Variants in MTUS2 observed in about 807,000 individuals in gnomAD.
MTUS2 encodes the protein microtubule-associated tumor suppressor candidate 2.
In MTUS2, 40 loss-of-function variants were observed where a neutral mutation model predicts 114.1. The observed-to-expected ratio is 0.35, with a 90% confidence interval of 0.27 to 0.46. MTUS2 has a LOEUF of 0.46. Among genes scored for constraint, MTUS2 ranks in the 20% least tolerant of loss-of-function variants. MTUS2 has a pLI of 1.00. For synonymous variants in MTUS2, 688 were observed against 672.0 expected, an observed-to-expected ratio of 1.02 and a Z score of -0.37; for missense variants, 1,679 against 1,705.4, an observed-to-expected ratio of 0.98 and a Z score of 0.27.
chr13:28,886,572 A>G (rs1423532879), intron 2 of MTUS2, among the ~76,000 whole-genome samples: 1 of 151,846 alleles, frequency 6.6e-6, no homozygotes, highest in African/African-American at 2.4e-5. Context: ...TGAGATGGGG[A>G]AGAGTGTGGC....
intron 6 of MTUS2, among the ~76,000 whole-genome samples, chr13:29,319,643 G>A (rs1359923207): frequency 6.6e-6 from 1 of 152,096 alleles, no homozygotes; most frequent in African/African-American, 2.4e-5. Context: ...GCCCCCTCCA[G>A]GCCCTGGTGC....
chr13:29,483,296 TG>T (rs1309019663), intron 10 of MTUS2, among the ~76,000 whole-genome samples: 1 of 152,158 alleles, frequency 6.6e-6, no homozygotes, highest in Non-Finnish European at 1.5e-5. Flanking sequence ...TTACTCAAAT[TG>T]GGACTCGCCG....
At chr13:29,137,003 G>C (rs2138983433) in intron 5 of MTUS2, among the ~76,000 whole-genome samples, 1 of 152,316 alleles carries the variant, frequency 6.6e-6, no homozygotes, top group East Asian at 1.9e-4. Flanking sequence ...GAATTGATTG[G>C]TTGCTGGTAG....
intron 9 of MTUS2, chr13:29,476,778 C>T (rs1880737057): frequency 1.3e-5 from 2 of 152,328 alleles, no homozygotes; most frequent in African/African-American, 4.8e-5. Context: ...TGGAGTCCAT[C>T]GAGTGACAGT....
At chr13:29,129,079 T>A (rs1219901801) in intron 5 of MTUS2, among the ~76,000 whole-genome samples, 1 of 152,220 alleles carries the variant, frequency 6.6e-6, no homozygotes, top group African/African-American at 2.4e-5. Context: ...GGCAAGTGCA[T>A]TTCTGTGGAA....
At chr13:29,200,513 CT>C (rs1894897639) in intron 5 of MTUS2, among the ~76,000 whole-genome samples, 1 of 53,912 alleles carries the variant, frequency 1.9e-5, no homozygotes, top group Admixed American at 2.0e-4. Flanking sequence ...GAGTGAGTTT[CT>C]TTTTCTGTTT....
chr13:29,401,080 CAG>C (rs1331683934), intron 8 of MTUS2, among the ~76,000 whole-genome samples: 1 of 152,184 alleles, frequency 6.6e-6, no homozygotes, highest in African/African-American at 2.4e-5. Context: ...CGCCACCTCT[CAG>C]GGTCAAACAA....
intron 5 of MTUS2, among the ~76,000 whole-genome samples, chr13:29,235,086 G>GTTAA (rs753815010): frequency 5.9e-5 from 9 of 151,904 alleles, no homozygotes; most frequent in South Asian, 4.2e-4. Context: ...ATTTAATTTA[G>GTTAA]TTAATTAATT....
intron 2 of MTUS2, among the ~76,000 whole-genome samples, chr13:28,878,240 T>C (rs1168056410): frequency 1.3e-5 from 2 of 149,506 alleles, no homozygotes; most frequent in Non-Finnish European, 2.9e-5. Flanking sequence ...TGTGTATATA[T>C]ATGTATATAT....
chr13:28,948,056 A>G (rs1260973152), intron 2 of MTUS2, among the ~76,000 whole-genome samples: 1 of 152,224 alleles, frequency 6.6e-6, no homozygotes, highest in African/African-American at 2.4e-5. Flanking sequence ...CAAAGATGAC[A>G]GATCATTTTC....
At chr13:29,087,876 G>A (rs567152437) in intron 4 of MTUS2, among the ~76,000 whole-genome samples, 2 of 152,046 alleles carry the variant, frequency 1.3e-5, no homozygotes, top group Non-Finnish European at 2.9e-5. Context: ...GGCTAACATG[G>A]TGAAACCCTG....
chr13:29,217,091 C>A (rs1895711401), intron 5 of MTUS2, among the ~76,000 whole-genome samples: 1 of 152,172 alleles, frequency 6.6e-6, no homozygotes, highest in South Asian at 2.1e-4. Context: ...TTGAATTTTT[C>A]TGTAGACCTC....
At chr13:29,378,168 T>A (rs1163165664) in intron 8 of MTUS2, among the ~76,000 whole-genome samples, 1 of 152,202 alleles carries the variant, frequency 6.6e-6, no homozygotes, top group Non-Finnish European at 1.5e-5. Flanking sequence ...TTTTGTATTC[T>A]GATTTTGGTG....
chr13:29,242,886 T>C (rs1170597709), intron 5 of MTUS2, among the ~76,000 whole-genome samples: 1 of 152,246 alleles, frequency 6.6e-6, no homozygotes, highest in Non-Finnish European at 1.5e-5. Context: ...CTTTTATAGA[T>C]TAAACTGGTT....
chr13:29,132,369 G>A (rs1369022486), intron 5 of MTUS2, among the ~76,000 whole-genome samples: 1 of 152,062 alleles, frequency 6.6e-6, no homozygotes, highest in Non-Finnish European at 1.5e-5. Context: ...TATTGTGGTA[G>A]AATACACACG....
chr13:29,179,511 A>G (rs1443601531), intron 5 of MTUS2, among the ~76,000 whole-genome samples: 7 of 152,204 alleles, frequency 4.6e-5, no homozygotes, highest in Admixed American at 1.3e-4. Context: ...AAAGAAAGGG[A>G]TGGATGACTG....
At chr13:29,500,962 C>T in intron 14 of MTUS2, 135 bp from the exon 15 acceptor site, 1 of 612,622 alleles carries the variant, frequency 1.6e-6, no homozygotes, top group Non-Finnish European at 2.9e-6. Context: ...GATTTTAAAA[C>T]CCACTAAAGC....
intron 4 of MTUS2, among the ~76,000 whole-genome samples, chr13:29,073,403 T>C (rs1285708417): frequency 1.3e-5 from 2 of 152,216 alleles, no homozygotes; most frequent in Admixed American, 1.3e-4. Context: ...CAAACAACTT[T>C]GACTAGTTTC....
chr13:28,963,719 A>G (rs1353590302), intron 2 of MTUS2, among the ~76,000 whole-genome samples: 1 of 152,078 alleles, frequency 6.6e-6, no homozygotes, highest in Non-Finnish European at 1.5e-5. Context: ...CCTTCTCCTC[A>G]TTCCACTCCA....
Sources: gnomAD v4.1 joint callset for allele counts (sites outside exome capture counted in the v4.1 genomes callset) on GRCh38, gnomAD v4.1.1 for gene constraint, MANE v1.5 for transcripts, NCBI Gene and HGNC (gene_info 2026-07-23, HGNC 2026-07-21) for gene names.